The following CTNNA3 variants were observed in gnomAD, a reference collection of about 807,000 sequenced individuals.
The protein encoded by CTNNA3 is catenin alpha-3.
Under a neutral mutation model 95.7 loss-of-function variants are expected in CTNNA3, and 76 were observed. The observed-to-expected ratio is 0.79, with a 90% CI of 0.66 to 0.96. CTNNA3 has a LOEUF of 0.96. Among genes scored for constraint, CTNNA3 ranks in the 40% least tolerant of loss-of-function variants. CTNNA3 has a pLI of 0.00. For synonymous variants in CTNNA3, 431 were observed against 374.4 expected, an observed-to-expected ratio of 1.15 and a Z score of -1.74; for missense variants, 1,191 against 1,089.8, an observed-to-expected ratio of 1.09 and a Z score of -1.31.
At chr10:66,761,532 G>T (rs1241779668) in intron 9 of CTNNA3, among the ~76,000 whole-genome samples, 3 of 152,086 alleles carry the variant, frequency 2.0e-5, no homozygotes, top group African/African-American at 7.2e-5. Flanking sequence ...GGTAGTGATT[G>T]TAGTGCTCAG....
chr10:67,553,429 A>G (rs1841105039), intron 3 of CTNNA3, among the ~76,000 whole-genome samples: 1 of 152,198 alleles, frequency 6.6e-6, no homozygotes, highest in African/African-American at 2.4e-5. Context: ...TTGAGTCACT[A>G]TCGAAATCTA....
intron 5 of CTNNA3, among the ~76,000 whole-genome samples, chr10:67,370,288 G>T (rs1843375273): frequency 6.6e-6 from 1 of 151,898 alleles, no homozygotes; most frequent in African/African-American, 2.4e-5. Flanking sequence ...CACAAAATTT[G>T]TGTATGTGAC....
chr10:66,412,118 A>G (rs1409714230), intron 11 of CTNNA3, among the ~76,000 whole-genome samples: 3 of 152,214 alleles, frequency 2.0e-5, no homozygotes, highest in Non-Finnish European at 4.4e-5. Context: ...GTAAGACAGG[A>G]AACAAAAACG....
At chr10:67,354,852 G>A (rs560625443) in intron 5 of CTNNA3, among the ~76,000 whole-genome samples, 15 of 152,044 alleles carry the variant, frequency 9.9e-5, no homozygotes, top group Middle Eastern at 3.4e-3. Flanking sequence ...TTTGGGTGAC[G>A]ATATGAGCTT....
intron 7 of CTNNA3, among the ~76,000 whole-genome samples, chr10:66,878,350 C>A (rs1321114375): frequency 1.3e-5 from 2 of 152,250 alleles, no homozygotes; most frequent in East Asian, 3.9e-4. Flanking sequence ...CGAGGCATCA[C>A]ACCCATGAAA....
chr10:67,086,759 G>C (rs1857333852), intron 7 of CTNNA3, among the ~76,000 whole-genome samples: 1 of 151,940 alleles, frequency 6.6e-6, no homozygotes, highest in Non-Finnish European at 1.5e-5. Context: ...GATATGGAGA[G>C]TTCTTTCCAC....
At chr10:66,256,660 G>A (rs977165153) in intron 13 of CTNNA3, among the ~76,000 whole-genome samples, 1 of 151,868 alleles carries the variant, frequency 6.6e-6, no homozygotes, top group African/African-American at 2.4e-5. Flanking sequence ...GGCAGAGGTT[G>A]TAGTGAGCTG....
chr10:66,797,408 A>AG (rs1841247229), intron 7 of CTNNA3, among the ~76,000 whole-genome samples: 1 of 128,418 alleles, frequency 7.8e-6, no homozygotes, highest in East Asian at 2.3e-4. Context: ...AAAAGTAAGA[A>AG]AAAAAAAAAA....
chr10:67,105,949 G>C (rs1247330814), intron 7 of CTNNA3, among the ~76,000 whole-genome samples: 1 of 152,126 alleles, frequency 6.6e-6, no homozygotes, highest in African/African-American at 2.4e-5. Flanking sequence ...CAGTGTATTG[G>C]ACATCCTTCA....
intron 13 of CTNNA3, among the ~76,000 whole-genome samples, chr10:66,185,757 A>T (rs990750581): frequency 3.3e-5 from 5 of 152,044 alleles, no homozygotes; most frequent in Admixed American, 6.5e-5. Context: ...CAAGCCAAAA[A>T]GTAAAAATTA....
chr10:66,926,171 G>C (rs7902006), intron 7 of CTNNA3: 419,739 of 464,352 alleles, frequency 0.9, 190,243 homozygotes, highest in East Asian at 0.99. Context: ...AACTGCTGGG[G>C]TATGGAATAC....
intron 15 of CTNNA3, among the ~76,000 whole-genome samples, chr10:66,002,933 T>G (rs963213191): frequency 4.7e-4 from 72 of 152,334 alleles, no homozygotes; most frequent in Admixed American, 4.4e-3. Flanking sequence ...CCAGGGGTGC[T>G]AAAATCCTAT....
At chr10:66,506,584 A>G (rs999286) in intron 11 of CTNNA3, among the ~76,000 whole-genome samples, 105,448 of 152,048 alleles carry the variant, frequency 0.69, 37,023 homozygotes, top group East Asian at 0.9. Context: ...TTGTTTACGT[A>G]ACAAATACAA....
At chr10:66,684,475 T>G (rs1042851134) in intron 9 of CTNNA3, among the ~76,000 whole-genome samples, 4 of 152,154 alleles carry the variant, frequency 2.6e-5, no homozygotes, top group Non-Finnish European at 2.9e-5. Context: ...TCTACTGAGT[T>G]TCCTTTTAAT....
intron 10 of CTNNA3, among the ~76,000 whole-genome samples, chr10:66,591,577 C>A (rs561898215): frequency 2.6e-5 from 4 of 152,070 alleles, no homozygotes; most frequent in African/African-American, 9.7e-5. Context: ...TGACATTGAC[C>A]TGAAACTTAC....
intron 2 of CTNNA3, among the ~76,000 whole-genome samples, chr10:67,635,332 T>C (rs1458785815): frequency 1.3e-5 from 2 of 152,184 alleles, no homozygotes; most frequent in Non-Finnish European, 2.9e-5. Context: ...GAGGCCAGCA[T>C]CATCCTGATA....
At chr10:67,160,782 A>G (rs1282332895) in intron 7 of CTNNA3, among the ~76,000 whole-genome samples, 1 of 152,134 alleles carries the variant, frequency 6.6e-6, no homozygotes, top group African/African-American at 2.4e-5. Context: ...AACAACCTAA[A>G]TGTTCATCAC....
At position 66,103,508 on chromosome 10, in the gene CTNNA3, G is replaced by A. The variant is rs548073417; in HGVS notation, c.1885-259C>T. Among the ~76,000 whole-genome samples the A allele has an allele frequency of 8.5e-5, 13 of 152,248 alleles. No individual in the cohort carries two copies. The South Asian group carries it at 2.5e-3, about 29-fold the overall frequency. ...TTACTGATGAATGGATAAACAAAAT[G>A]TGGTGCATGTGTACAATGGAATATA... is the stretch of plus-strand genomic sequence containing the variant. On this transcript the variant is annotated intron_variant, in intron 13 of 17. Transcript: ENST00000433211.
At chr10:66,471,784 T>C (rs1839142629) in intron 11 of CTNNA3, among the ~76,000 whole-genome samples, 1 of 151,900 alleles carries the variant, frequency 6.6e-6, no homozygotes, top group South Asian at 2.1e-4. Context: ...TATTCAATTC[T>C]GGGTGATAAA....
Sources: allele counts gnomAD v4.1 joint callset (sites outside exome capture counted in the v4.1 genomes callset), GRCh38; gene constraint gnomAD v4.1.1; transcripts MANE v1.5; gene names NCBI Gene and HGNC (gene_info 2026-07-23, HGNC 2026-07-21).